MYCBP2: variants seen among roughly 807,000 people sequenced by gnomAD.
MYCBP2 encodes MYC binding protein 2.
A neutral mutation model predicts 525.3 loss-of-function variants in MYCBP2; 120 were observed. That is an observed-to-expected ratio of 0.23 (90% CI 0.20 to 0.27). The LOEUF is 0.27. MYCBP2 is among the 10% of genes least tolerant of loss of function. The pLI is 1.00. For missense variants in MYCBP2, 4,149 were observed against 5,657.1 expected, an observed-to-expected ratio of 0.73 and a Z score of 8.55; for synonymous variants, 1,894 against 1,955.8, an observed-to-expected ratio of 0.97 and a Z score of 0.83.
At position 77,191,669 on chromosome 13, in the gene MYCBP2, A is replaced by T; in HGVS notation, c.4070+10T>A. 1.9e-6 allele frequency: 3 copies of T among 1,611,224 alleles called. No homozygotes were observed. The highest frequency in any genetic ancestry group is 2.5e-6 in the Non-Finnish European group (3 of 1,179,058). ...AGTATTGCTTAAGTAACACTTGGGC[A>T]TTTACTTACCCATCATCTGTGGTAA... On this transcript the variant is annotated intron_variant, in intron 28 of 82. Coordinates refer to ENST00000544440, the MANE Select transcript of MYCBP2 (RefSeq NM_015057.5).
chr13:77,073,025 T>A (rs73239447), intron 68 of MYCBP2, among the ~76,000 whole-genome samples: 3,375 of 152,300 alleles, frequency 0.022, 58 homozygotes, highest in Middle Eastern at 0.075. Context: ...ATGCTATTCA[T>A]CTGTTTAAAG....
chr13:77,274,128 T>C (rs1455457448), intron 4 of MYCBP2, among the ~76,000 whole-genome samples: 2 of 152,212 alleles, frequency 1.3e-5, no homozygotes, highest in South Asian at 4.1e-4. Context: ...ATTAACATAA[T>C]AGCAATTCAC....
intron 71 of MYCBP2, 122 bp downstream of exon 71, chr13:77,067,459 G>A: frequency 1.0e-6 from 1 of 1,004,206 alleles, no homozygotes; most frequent in Non-Finnish European, 1.5e-6. Flanking sequence ...ATATTAGCCA[G>A]TTGTTTATGG....
At chr13:77,261,976 A>G in intron 11 of MYCBP2, 77 bp downstream of exon 11, 1 of 1,158,852 alleles carries the variant, frequency 8.6e-7, no homozygotes, top group African/African-American at 1.5e-5. Flanking sequence ...TGCAAACTAT[A>G]TAAACTAATC....
chr13:77,137,928 CA>C (rs1354975152), intron 52 of MYCBP2, among the ~76,000 whole-genome samples: 3 of 151,774 alleles, frequency 2.0e-5, no homozygotes, highest in African/African-American at 7.3e-5. Flanking sequence ...CCTTGCCCAA[CA>C]AAAAAGTCTA....
At chr13:77,167,069 G>C (rs2058635250) in intron 40 of MYCBP2, among the ~76,000 whole-genome samples, 1 of 151,286 alleles carries the variant, frequency 6.6e-6, no homozygotes. Flanking sequence ...GATATTCCCA[G>C]TGTCACTAAT....
intron 19 of MYCBP2, 149 bp downstream of exon 19, chr13:77,225,286 A>G (rs2066099987): frequency 1.1e-6 from 1 of 941,182 alleles, no homozygotes; most frequent in Admixed American, 2.8e-5. Context: ...GAGATTCTGT[A>G]ATAAATACAA....
chr13:77,061,573 T>A (rs889173859), intron 75 of MYCBP2, 89 bp downstream of exon 75: 38 of 1,448,774 alleles, frequency 2.6e-5, no homozygotes, highest in South Asian at 1.2e-4. Flanking sequence ...CAAAGTCCAC[T>A]TTTTCCCCCT....
intron 54 of MYCBP2, among the ~76,000 whole-genome samples, chr13:77,123,613 C>G (rs1429338885): frequency 2.0e-5 from 3 of 152,128 alleles, no homozygotes; most frequent in Non-Finnish European, 2.9e-5. Flanking sequence ...AACTGAGGCA[C>G]AGAGATATTA....
At chr13:77,315,369 C>T (rs2154378829) in intron 1 of MYCBP2, among the ~76,000 whole-genome samples, 1 of 152,292 alleles carries the variant, frequency 6.6e-6, no homozygotes, top group South Asian at 2.1e-4. Flanking sequence ...AAACCGATTA[C>T]AGACCAATAT....
intron 18 of MYCBP2, among the ~76,000 whole-genome samples, chr13:77,231,281 T>C (rs1194127961): frequency 6.6e-6 from 1 of 152,158 alleles, no homozygotes; most frequent in Non-Finnish European, 1.5e-5. Context: ...TAGCTATCAT[T>C]GAATAACTTG....
In MYCBP2 at chr13:77,098,483, G is replaced by A; in HGVS notation, c.8671C>T (p.Pro2891Ser). 6.2e-7 allele frequency: 1 copy of A among 1,613,712 alleles called. No homozygotes were observed. The highest frequency in any genetic ancestry group is 8.5e-7 in the Non-Finnish European group (1 of 1,179,806). ...LRKKKMPLTE[P>S]LRGRSTSPKP... ...GGTGACGTTGACCGTCCTCTCAAAG[G>A]TTCTGTGAGGGGCATTTTCTTCTTG... The change falls in exon 56 of 83, where the codon CCT (proline) becomes TCT (serine). Residue 2891 changes from proline to serine, a missense_variant. By Grantham distance (74) the Pro-to-Ser change is moderately conservative. Coordinates refer to ENST00000544440, the MANE Select transcript of MYCBP2 (RefSeq NM_015057.5).
At chr13:77,217,992 T>C (rs1241626460) in intron 20 of MYCBP2, 35 bp from the exon 21 acceptor site, 2 of 1,412,184 alleles carry the variant, frequency 1.4e-6, no homozygotes, top group Non-Finnish European at 9.8e-7. Context: ...GTCAATTTCT[T>C]ACAAAACTCA....
intron 8 of MYCBP2, 108 bp downstream of exon 8, chr13:77,267,733 T>C: frequency 1.2e-6 from 1 of 853,090 alleles, no homozygotes; most frequent in Non-Finnish European, 1.9e-6. Flanking sequence ...AAAACCCTTT[T>C]ATAAGCAAGC....
At chr13:77,080,147 T>G (rs1249594385) in intron 65 of MYCBP2, among the ~76,000 whole-genome samples, 1 of 152,186 alleles carries the variant, frequency 6.6e-6, no homozygotes, top group Non-Finnish European at 1.5e-5. Context: ...AATTCTTAGG[T>G]CTGAGGAGGA....
rs1221067436 is a variant in MYCBP2, at chr13:77,098,413, G to C, written c.8741C>G (p.Ser2914Cys). The C allele has an allele frequency of 6.2e-7, 1 of 1,613,562 alleles. No homozygotes were observed. Among genetic ancestry groups the C allele is most frequent in the Non-Finnish European group, 8.5e-7 (1 of 1,179,820 alleles). Residue 2914 changes from serine (S) to cysteine (C), a missense_variant, in exon 56 of 83, where the codon TCT becomes TGT. Physicochemically the swap from Ser to Cys is moderately radical, Grantham distance 112. Around this residue, in one of 21 missense-constraint regions of MYCBP2, gnomAD observed 653 missense variants for 744.7 expected, o/e 0.88. Coordinates refer to ENST00000544440, the MANE Select transcript of MYCBP2 (RefSeq NM_015057.5). Reference sequence around the variant, plus strand: ...ATGGGGAGAGGGAGCTCTATTTTCAGATCCAGGGGAATCTGTAGAATCCTT... The same window carrying C: ...ATGGGGAGAGGGAGCTCTATTTTCACATCCAGGGGAATCTGTAGAATCCTT... Reference protein sequence around the residue: ...VPKDSTDSPGSENRAPSPHVV... With the variant: ...VPKDSTDSPGCENRAPSPHVV...
chr13:77,300,811 T>C (rs1025828538), intron 1 of MYCBP2, among the ~76,000 whole-genome samples: 1 of 152,128 alleles, frequency 6.6e-6, no homozygotes, highest in Non-Finnish European at 1.5e-5. Flanking sequence ...CTAACCAACG[T>C]AAGAAAGCTG....
chr13:77,191,699 T>G lies in MYCBP2; in HGVS notation c.4050A>C (p.Ala1350=), dbSNP rs760759304. 1.2e-5 allele frequency: 19 copies of G among 1,613,928 alleles called. No individual in the cohort carries two copies. The highest frequency in any genetic ancestry group is 1.6e-5 in the Non-Finnish European group (19 of 1,179,976). The change falls in exon 28 of 83, where the codon GCA becomes GCC. Residue 1350 remains alanine, a synonymous_variant. Coordinates refer to ENST00000544440, the MANE Select transcript of MYCBP2 (RefSeq NM_015057.5). The stretch of plus-strand genomic sequence containing the variant: ...CTTACCCATCATCTGTGGTAATAGA[T>G]GCCTGTCCATGAGATCCACAGTCAC... ...PSSDCGSHGQ[A]SITTDDGVVF... is the part of the protein sequence containing the mutation.
chr13:77,097,416 C>A lies in MYCBP2; in HGVS notation c.9738G>T (p.Glu3246Asp), dbSNP rs767293460. The change falls in exon 56 of 83, where the codon GAG becomes GAT. Residue 3246 changes from glutamate to aspartate, a missense_variant. Physicochemically the swap from Glu to Asp is conservative, Grantham distance 45. Transcript: ENST00000544440. ...GATAGGTCACCGGGTATGGATGTGA[C>A]TCCCCACACAGTTCACAGATGGTAT... is the stretch of plus-strand genomic sequence containing the variant. The part of the protein sequence containing the change: ...EKDTICELCG[E>D]SHPYPVTYHM... The A allele has an allele frequency of 2.1e-5, 34 of 1,613,118 alleles. No homozygotes were observed. Among genetic ancestry groups the A allele is most frequent in the Non-Finnish European group, 2.9e-5 (34 of 1,179,620 alleles).
Sources: allele counts gnomAD v4.1 joint callset (sites outside exome capture counted in the v4.1 genomes callset), GRCh38; gene constraint gnomAD v4.1.1; regional missense constraint gnomAD v4.1.1; transcripts MANE v1.5; gene names NCBI Gene and HGNC (gene_info 2026-07-23, HGNC 2026-07-21).